The following LRBA variants were observed in gnomAD, a reference collection of about 807,000 sequenced individuals.
LRBA encodes the protein LPS responsive beige-like anchor protein, also known as lipopolysaccharide-responsive and beige-like anchor protein.
LRBA carries 176 observed loss-of-function variants against 330.0 expected under a neutral mutation model. The observed-to-expected ratio is 0.53, with a 90% CI of 0.47 to 0.60. LRBA has a LOEUF of 0.60. Ranked by LOEUF, LRBA falls within the 20% of genes least tolerant of loss-of-function variation. The pLI is 0.00. For synonymous variants in LRBA, 1,230 were observed against 1,193.0 expected, an observed-to-expected ratio of 1.03 and a Z score of -0.64; for missense variants, 3,259 against 3,444.8, an observed-to-expected ratio of 0.95 and a Z score of 1.35.
chr4:151,002,739 C>T (rs1349157042), intron 2 of LRBA, among the ~76,000 whole-genome samples: 1 of 151,560 alleles, frequency 6.6e-6, no homozygotes, highest in Non-Finnish European at 1.5e-5. Context: ...TGGCCAGATG[C>T]AGTGGCTCAA....
chr4:150,750,049 T>C (rs1275254052), intron 35 of LRBA, among the ~76,000 whole-genome samples: 2 of 152,176 alleles, frequency 1.3e-5, no homozygotes, highest in Non-Finnish European at 1.5e-5. Context: ...TGTTGTGACA[T>C]ACATCTCAAA....
intron 44 of LRBA, among the ~76,000 whole-genome samples, chr4:150,460,824 T>C (rs961573466): frequency 2.0e-5 from 3 of 151,784 alleles, no homozygotes; most frequent in African/African-American, 7.2e-5. Context: ...AAAATGTGAG[T>C]TGTAATTATT....
intron 47 of LRBA, among the ~76,000 whole-genome samples, chr4:150,385,353 G>A (rs1223600491): frequency 2.0e-5 from 3 of 152,144 alleles, no homozygotes; most frequent in Non-Finnish European, 2.9e-5. Flanking sequence ...ATAAAGGGGC[G>A]AATAGACCAG....
rs200525703 is a variant in LRBA, at chr4:150,775,452, A to AACACACAC, written c.5581-13613_5581-13606dup. Among the ~76,000 whole-genome samples the AACACACAC allele has an allele frequency of 1.2e-4, 4 of 33,952 alleles. No homozygotes were observed. In the South Asian group the frequency reaches 2.2e-3, roughly 19 times the overall value. The allele number at this position is 33,952 out of a possible 152,430, so 22.3% of individuals were successfully genotyped here. Reference sequence around the variant, plus strand: ...ATTTCTAAAAGGAAGTCTGCAATGGAACACACACACACACACACACACACA... The same window carrying AACACACAC: ...ATTTCTAAAAGGAAGTCTGCAATGGAACACACACACACACACACACACACACACACACA... On this transcript the variant is annotated intron_variant, in intron 34 of 56. Coordinates refer to ENST00000651943, the MANE Select transcript of LRBA (RefSeq NM_001364905.1).
chr4:150,863,068 C>T (rs1453122102), intron 22 of LRBA, among the ~76,000 whole-genome samples: 3 of 151,956 alleles, frequency 2.0e-5, no homozygotes, highest in African/African-American at 7.3e-5. Flanking sequence ...GAGGCCCAGG[C>T]GGGGGGCCAC....
intron 35 of LRBA, among the ~76,000 whole-genome samples, chr4:150,759,843 T>A (rs759192914): frequency 1.3e-5 from 2 of 152,130 alleles, no homozygotes; most frequent in Non-Finnish European, 2.9e-5. Flanking sequence ...CTAAAAGCGC[T>A]TGTCAAGTAT....
intron 8 of LRBA, among the ~76,000 whole-genome samples, chr4:150,914,819 T>C (rs1372311383): frequency 6.6e-6 from 1 of 152,158 alleles, no homozygotes; most frequent in Non-Finnish European, 1.5e-5. Context: ...GAGCTAACAT[T>C]GAGCACTCAT....
At chr4:150,532,601 A>G (rs80166302) in intron 40 of LRBA, among the ~76,000 whole-genome samples, 2,454 of 152,248 alleles carry the variant, frequency 0.016, 69 homozygotes, top group African/African-American at 0.054. Context: ...ATTACAAATG[A>G]AATTGCTATT....
intron 36 of LRBA, among the ~76,000 whole-genome samples, chr4:150,712,699 T>C (rs1325191963): frequency 6.6e-6 from 1 of 152,142 alleles, no homozygotes; most frequent in Non-Finnish European, 1.5e-5. Flanking sequence ...ACGCTACGAT[T>C]ACAATTCTAC....
At chr4:150,298,194 A>G (rs1399578548) in intron 53 of LRBA, among the ~76,000 whole-genome samples, 9 of 152,156 alleles carry the variant, frequency 5.9e-5, no homozygotes, top group Non-Finnish European at 1.3e-4. Flanking sequence ...TAAAAAGGAC[A>G]TAATTCCTAA....
chr4:150,959,549 G>A (rs1041289041), intron 2 of LRBA, among the ~76,000 whole-genome samples: 1 of 149,162 alleles, frequency 6.7e-6, no homozygotes, highest in African/African-American at 2.6e-5. Context: ...AAAAATAAAA[G>A]TTTGAGGTTC....
intron 40 of LRBA, among the ~76,000 whole-genome samples, chr4:150,552,189 G>A (rs955741556): frequency 6.6e-6 from 1 of 152,094 alleles, no homozygotes; most frequent in African/African-American, 2.4e-5. Context: ...TCCTGACAGG[G>A]AAACTGGGTA....
chr4:150,837,292 C>T (rs972921828), intron 28 of LRBA, among the ~76,000 whole-genome samples: 12 of 152,132 alleles, frequency 7.9e-5, no homozygotes, highest in African/African-American at 2.9e-4. Flanking sequence ...GTGGAGAGTT[C>T]TGTAGATGTC....
chr4:150,925,947 G>A (rs928254651), intron 4 of LRBA, among the ~76,000 whole-genome samples: 3 of 152,182 alleles, frequency 2.0e-5, no homozygotes, highest in African/African-American at 4.8e-5. Flanking sequence ...TATGCAGGAA[G>A]AGGTAGCTCA....
chr4:150,963,490 A>G (rs892579928), intron 2 of LRBA, among the ~76,000 whole-genome samples: 4 of 149,420 alleles, frequency 2.7e-5, no homozygotes, highest in Non-Finnish European at 5.9e-5. Flanking sequence ...CTCAGTGCTC[A>G]ATGGTGCCCA....
intron 35 of LRBA, among the ~76,000 whole-genome samples, chr4:150,737,391 C>T (rs1353597031): frequency 3.3e-5 from 5 of 151,990 alleles, no homozygotes; most frequent in Admixed American, 6.6e-5. Flanking sequence ...ACTTGGGTGG[C>T]GGAGCTTGCA....
rs1479328320 is a variant in LRBA at position 150,884,438 on chromosome 4, C to A, written c.2165+8614G>T. On this transcript the variant is annotated intron_variant, in intron 17 of 56. Transcript: ENST00000651943. ...ACTGAAAAAGGGAAGGCAAGAGAGA[C>A]TAGATAAGTAGCCACAACTTTGAAT... 2.6e-5 allele frequency among the ~76,000 whole-genome samples: 4 copies of A among 152,166 alleles called. No individual in the cohort carries two copies. The East Asian group carries it at 7.7e-4, about 29-fold the overall frequency.
intron 13 of LRBA, 138 bp from the exon 14 acceptor site, chr4:150,900,355 G>A: frequency 1.8e-6 from 1 of 561,452 alleles, no homozygotes; most frequent in South Asian, 3.0e-5. Context: ...ATCCATATTA[G>A]ACAACACATA....
intron 35 of LRBA, among the ~76,000 whole-genome samples, chr4:150,743,878 T>C (rs1732341075): frequency 6.6e-6 from 1 of 152,216 alleles, no homozygotes; most frequent in Non-Finnish European, 1.5e-5. Flanking sequence ...AGAAAATCCT[T>C]AAAGAAAATA....
Sources: gnomAD v4.1 joint callset for allele counts (sites outside exome capture counted in the v4.1 genomes callset) on GRCh38, gnomAD v4.1.1 for gene constraint, MANE v1.5 for transcripts, NCBI Gene and HGNC (gene_info 2026-07-23, HGNC 2026-07-21) for gene names.